The following HEATR5A variants were observed in gnomAD, a reference collection of about 807,000 sequenced individuals.
The protein encoded by HEATR5A is HEAT repeat-containing protein 5A.
In HEATR5A, 178 loss-of-function variants were observed where a neutral mutation model predicts 218.8. The ratio of observed to expected loss-of-function variants is 0.81; its 90% CI spans 0.72 to 0.92. The LOEUF (loss-of-function observed/expected upper bound fraction) is 0.92. HEATR5A is among the 40% of genes least tolerant of loss of function. HEATR5A has a pLI of 0.00. For missense variants in HEATR5A, 2,420 were observed against 2,418.9 expected, an observed-to-expected ratio of 1.00 and a Z score of -0.01; for synonymous variants, 864 against 871.6, an observed-to-expected ratio of 0.99 and a Z score of 0.15.
chr14:31,402,107 CCT>C (rs1776470977), intron 2 of HEATR5A, among the ~76,000 whole-genome samples: 1 of 152,072 alleles, frequency 6.6e-6, no homozygotes, highest in South Asian at 2.1e-4. Context: ...CACACAGCTC[CCT>C]GTTGTCTCAG....
chr14:31,388,564 G>C (rs1477834409), intron 7 of HEATR5A, among the ~76,000 whole-genome samples: 3 of 152,058 alleles, frequency 2.0e-5, no homozygotes, highest in African/African-American at 7.2e-5. Flanking sequence ...TAAACCACAA[G>C]ATACACAAAA....
At chr14:31,405,273 A>G (rs2031021324) in intron 1 of HEATR5A, among the ~76,000 whole-genome samples, 2 of 152,000 alleles carry the variant, frequency 1.3e-5, no homozygotes, top group Non-Finnish European at 2.9e-5. Context: ...ATCTCTACGA[A>G]AAATACAAAA....
chr14:31,400,361 T>C lies in HEATR5A; in HGVS notation c.278A>G (p.Asp93Gly). 6.5e-7 allele frequency: 1 copy of C among 1,535,922 alleles called. No individual in the cohort carries two copies. Among genetic ancestry groups the C allele is most frequent in the Non-Finnish European group, 8.7e-7 (1 of 1,146,734 alleles). ...GDTFSVHEAIDKCNDLIRSKD... is the reference protein window; with the variant it reads ...GDTFSVHEAIGKCNDLIRSKD... ...GCTACGAATAAGATCATTACATTTA[T>C]CGATTGCTTCATGAACGGAGAATGT... The change falls in exon 3 of 36, where the codon GAT becomes GGT. Residue 93 changes from aspartate (D) to glycine (G), a missense_variant. By Grantham distance (94) the Asp-to-Gly change is moderately conservative. Coordinates refer to ENST00000543095, the MANE Select transcript of HEATR5A (RefSeq NM_015473.4).
rs752850868 is a variant in HEATR5A, at chr14:31,386,537, C to A, written c.1228G>T (p.Gly410Cys). Residue 410 changes from glycine to cysteine, a missense_variant, in exon 9 of 36, where the codon GGT (glycine) becomes TGT (cysteine). Transcript: ENST00000543095. The part of the protein sequence containing the change: ...MSDGNLETRL[G>C]STDVAASQHM... ...TGGCTAGCGGCTACATCTGTGGAACCAAGCCGGGTTTCCAAATTACCATCA... is the reference window on the plus strand; with the variant it reads ...TGGCTAGCGGCTACATCTGTGGAACAAAGCCGGGTTTCCAAATTACCATCA... 54 of 1,600,734 alleles carry A rather than the reference C, an allele frequency of 3.4e-5. 1 individual carries two copies. In the South Asian group the frequency reaches 5.4e-4, roughly 16 times the overall value.
At chr14:31,407,312 C>T (rs987937709) in intron 1 of HEATR5A, among the ~76,000 whole-genome samples, 3 of 152,080 alleles carry the variant, frequency 2.0e-5, no homozygotes, top group South Asian at 2.1e-4. Context: ...TGTGGATATA[C>T]GGAACTAGAG....
At chr14:31,304,630 T>A (rs1899495308) in intron 32 of HEATR5A, among the ~76,000 whole-genome samples, 1 of 152,212 alleles carries the variant, frequency 6.6e-6, no homozygotes, top group South Asian at 2.1e-4. Context: ...TTGGTCAGGC[T>A]GGTCTCGAAC....
chr14:31,334,835 A>G (rs1305705393), intron 22 of HEATR5A, among the ~76,000 whole-genome samples: 1 of 151,234 alleles, frequency 6.6e-6, no homozygotes, highest in African/African-American at 2.4e-5. Flanking sequence ...AGTCCCAGCT[A>G]CTTGGGAGGC....
intron 18 of HEATR5A, among the ~76,000 whole-genome samples, chr14:31,349,193 G>C (rs1162459025): frequency 2.0e-5 from 3 of 152,068 alleles, no homozygotes; most frequent in Non-Finnish European, 4.4e-5. Flanking sequence ...TTCGAGACCA[G>C]CCTGGCCAGC....
intron 22 of HEATR5A, among the ~76,000 whole-genome samples, chr14:31,332,616 T>A (rs1269663029): frequency 2.0e-5 from 3 of 152,136 alleles, no homozygotes; most frequent in Non-Finnish European, 4.4e-5. Context: ...GAAGGAAATT[T>A]AAAAGGCTAC....
chr14:31,293,759 C>T (rs1366675641), intron 35 of HEATR5A, 132 bp downstream of exon 35: 5 of 1,043,572 alleles, frequency 4.8e-6, no homozygotes, highest in Non-Finnish European at 6.9e-6. Flanking sequence ...AATATCAATA[C>T]TTGGGATTAA....
intron 11 of HEATR5A, among the ~76,000 whole-genome samples, chr14:31,378,539 G>A (rs747322240): frequency 6.6e-6 from 1 of 152,138 alleles, no homozygotes; most frequent in African/African-American, 2.4e-5. Context: ...TGTAATCCCA[G>A]CGCTTTGGGA....
intron 28 of HEATR5A, among the ~76,000 whole-genome samples, chr14:31,311,478 G>A (rs1303730799): frequency 6.6e-6 from 1 of 151,790 alleles, no homozygotes; most frequent in African/African-American, 2.4e-5. Flanking sequence ...GTGGCACGAT[G>A]ATAGCTGCCT....
At chr14:31,294,539 C>T (rs1230830357) in intron 34 of HEATR5A, among the ~76,000 whole-genome samples, 3 of 150,908 alleles carry the variant, frequency 2.0e-5, no homozygotes, top group Non-Finnish European at 2.9e-5. Context: ...CCTCCCGAGT[C>T]GCTGGGACTA....
intron 24 of HEATR5A, among the ~76,000 whole-genome samples, chr14:31,323,018 A>C (rs1225441115): frequency 6.6e-6 from 1 of 152,150 alleles, no homozygotes; most frequent in Non-Finnish European, 1.5e-5. Flanking sequence ...TTTTTAGTTA[A>C]TATCTATGAT....
chr14:31,404,231 T>C (rs990413808), intron 1 of HEATR5A, among the ~76,000 whole-genome samples: 12 of 152,334 alleles, frequency 7.9e-5, no homozygotes, highest in African/African-American at 2.9e-4. Context: ...TCCTATTCAC[T>C]AGTGTACCTA....
At chr14:31,351,239 A>T (rs969118937) in intron 16 of HEATR5A, among the ~76,000 whole-genome samples, 4 of 152,212 alleles carry the variant, frequency 2.6e-5, no homozygotes, top group African/African-American at 9.6e-5. Flanking sequence ...TATATGTAAC[A>T]CATAGCCTCA....
At chr14:31,362,606 CAAAAAAAAAA>C (rs71115003) in intron 14 of HEATR5A, among the ~76,000 whole-genome samples, 1 of 44,748 alleles carries the variant, frequency 2.2e-5, no homozygotes, top group Non-Finnish European at 3.6e-5. Context: ...CTACAAATGA[CAAAAAAAAAA>C]AAAAAAAAAA....
chr14:31,339,697 G>A (rs904438074), intron 21 of HEATR5A, among the ~76,000 whole-genome samples: 3 of 152,042 alleles, frequency 2.0e-5, no homozygotes, highest in African/African-American at 7.2e-5. Context: ...GAACCCAAAA[G>A]TGGATAGAAA....
At chr14:31,418,177 C>T (rs1464802751) in intron 1 of HEATR5A, among the ~76,000 whole-genome samples, 3 of 152,218 alleles carry the variant, frequency 2.0e-5, no homozygotes, top group African/African-American at 7.2e-5. Context: ...CCACTGCACT[C>T]CAGCCTGGGC....
Sources: allele counts gnomAD v4.1 joint callset (sites outside exome capture counted in the v4.1 genomes callset), GRCh38; gene constraint gnomAD v4.1.1; transcripts MANE v1.5; gene names NCBI Gene and HGNC (gene_info 2026-07-23, HGNC 2026-07-21).